AP3B1: variants seen among roughly 807,000 people sequenced by gnomAD.
AP3B1 encodes AP-3 complex subunit beta-1.
AP3B1 carries 61 observed loss-of-function variants against 132.5 expected under a neutral mutation model. The ratio of observed to expected loss-of-function variants is 0.46; its 90% confidence interval spans 0.37 to 0.57. AP3B1 has a LOEUF of 0.57. Among genes scored for constraint, AP3B1 ranks in the 20% least tolerant of loss-of-function variants. AP3B1 has a pLI of 0.00. For synonymous variants in AP3B1, 388 were observed against 438.3 expected, an observed-to-expected ratio of 0.89 and a Z score of 1.43; for missense variants, 1,120 against 1,289.4, an observed-to-expected ratio of 0.87 and a Z score of 2.01.
At chr5:78,080,477 T>C (rs1749947090) in intron 22 of AP3B1, among the ~76,000 whole-genome samples, 2 of 151,882 alleles carry the variant, frequency 1.3e-5, no homozygotes, top group East Asian at 3.9e-4. Flanking sequence ...TTTTTCTTTT[T>C]TTTTTGCTCT....
chr5:78,232,379 T>C (rs1027293722), intron 3 of AP3B1, among the ~76,000 whole-genome samples: 5 of 152,112 alleles, frequency 3.3e-5, no homozygotes, highest in Non-Finnish European at 5.9e-5. Flanking sequence ...AGTTAGCCAG[T>C]CAGGAACAAC....
chr5:78,006,060 GAT>G (rs1746377934), intron 26 of AP3B1, among the ~76,000 whole-genome samples: 2 of 152,130 alleles, frequency 1.3e-5, no homozygotes, highest in Non-Finnish European at 2.9e-5. Flanking sequence ...AGAAATTTTT[GAT>G]CACTATAATG....
rs190747095 is a variant in AP3B1 at position 78,024,407 on chromosome 5, G to C, written c.2895-3618C>G. Among the ~76,000 whole-genome samples the C allele has an allele frequency of 2.1e-3, 324 of 151,908 alleles. 2 individuals carry two copies. Among genetic ancestry groups the C allele is most frequent in the Middle Eastern group, 6.8e-3 (2 of 294 alleles). On this transcript the variant is annotated intron_variant, in intron 24 of 26. Transcript: ENST00000255194. ...TCCTTTTAAGGTTCTGTTTTTCTGG[G>C]AGACAGGGTCTCAGCTCTGTCACCC...
intron 21 of AP3B1, among the ~76,000 whole-genome samples, chr5:78,097,001 G>A (rs1750846304): frequency 3.0e-5 from 4 of 131,422 alleles, no homozygotes; most frequent in African/African-American, 9.9e-5. Context: ...CGCCCTGTCC[G>A]GGAGGGAGGT....
At chr5:78,137,463 C>G (rs1259900718) in intron 15 of AP3B1, among the ~76,000 whole-genome samples, 3 of 152,130 alleles carry the variant, frequency 2.0e-5, no homozygotes, top group African/African-American at 7.2e-5. Flanking sequence ...CCTGAACTCT[C>G]TTCTCTACTT....
At chr5:78,015,202 T>C (rs1746805342) in intron 26 of AP3B1, among the ~76,000 whole-genome samples, 1 of 152,120 alleles carries the variant, frequency 6.6e-6, no homozygotes. Flanking sequence ...GGAAAGACCA[T>C]GCCAGTATGA....
intron 9 of AP3B1, 66 bp from the exon 10 acceptor site, chr5:78,175,904 C>T (rs1436879605): frequency 1.4e-5 from 16 of 1,168,064 alleles, no homozygotes; most frequent in South Asian, 2.5e-5. Flanking sequence ...GTAAGCACTA[C>T]AATAATGACA....
intron 22 of AP3B1, among the ~76,000 whole-genome samples, chr5:78,052,633 C>G (rs1464740404): frequency 6.6e-6 from 1 of 152,096 alleles, no homozygotes; most frequent in Non-Finnish European, 1.5e-5. Flanking sequence ...CTACCTGGCC[C>G]TTTACAAAAA....
At chr5:78,228,346 G>A in intron 3 of AP3B1, 107 bp from the exon 4 acceptor site, 1 of 702,480 alleles carries the variant, frequency 1.4e-6, no homozygotes, top group South Asian at 1.7e-5. Flanking sequence ...AACTGAATCT[G>A]GTCACATGTT....
At chr5:78,159,261 C>T (rs1035466615) in intron 13 of AP3B1, among the ~76,000 whole-genome samples, 4 of 152,076 alleles carry the variant, frequency 2.6e-5, no homozygotes, top group African/African-American at 4.8e-5. Context: ...TACAAGCAGA[C>T]GCAGGATTGG....
At chr5:78,040,485 A>G (rs932594975) in intron 22 of AP3B1, among the ~76,000 whole-genome samples, 1 of 152,180 alleles carries the variant, frequency 6.6e-6, no homozygotes, top group Non-Finnish European at 1.5e-5. Flanking sequence ...TTTTCTTGGT[A>G]AATCACCTTT....
intron 17 of AP3B1, among the ~76,000 whole-genome samples, chr5:78,120,139 C>T (rs1180735367): frequency 1.3e-5 from 2 of 152,120 alleles, no homozygotes; most frequent in Non-Finnish European, 2.9e-5. Context: ...CAAGCAAATG[C>T]TGAGAGAGTT....
intron 1 of AP3B1, among the ~76,000 whole-genome samples, chr5:78,275,158 G>T (rs1040163507): frequency 1.3e-5 from 2 of 152,038 alleles, no homozygotes; most frequent in Non-Finnish European, 2.9e-5. Flanking sequence ...ACCTTAAAAG[G>T]AATAACATTT....
intron 14 of AP3B1, among the ~76,000 whole-genome samples, chr5:78,146,186 T>C (rs139964819): frequency 2.3e-4 from 35 of 152,314 alleles, no homozygotes; most frequent in African/African-American, 8.2e-4. Context: ...CCATTGTTCT[T>C]GTATAAACAG....
chr5:78,078,483 G>A (rs1415365106), intron 22 of AP3B1, among the ~76,000 whole-genome samples: 4 of 152,216 alleles, frequency 2.6e-5, no homozygotes, highest in Admixed American at 6.5e-5. Flanking sequence ...CATACATTTT[G>A]TACACTAGCT....
intron 17 of AP3B1, among the ~76,000 whole-genome samples, chr5:78,118,761 A>G (rs1406547586): frequency 6.6e-6 from 1 of 152,192 alleles, no homozygotes; most frequent in Non-Finnish European, 1.5e-5. Context: ...GGCACAGACA[A>G]ACAAAAAGAC....
chr5:78,274,042 A>G (rs2112571822), intron 1 of AP3B1, among the ~76,000 whole-genome samples: 1 of 151,648 alleles, frequency 6.6e-6, no homozygotes, highest in Admixed American at 6.6e-5. Context: ...GAAAAAAAAA[A>G]AAAAAAAAAC....
intron 22 of AP3B1, among the ~76,000 whole-genome samples, chr5:78,062,103 A>G (rs899781894): frequency 2.6e-5 from 4 of 152,220 alleles, no homozygotes; most frequent in Non-Finnish European, 5.9e-5. Context: ...TTTGAGAACA[A>G]AAGTTTAGCT....
At chr5:78,089,837 CATAAGA>C (rs1241178877) in intron 21 of AP3B1, among the ~76,000 whole-genome samples, 7 of 152,124 alleles carry the variant, frequency 4.6e-5, no homozygotes, top group African/African-American at 1.2e-4. Flanking sequence ...TCCAGACTAT[CATAAGA>C]ATAACAACCG....
Sources: gnomAD v4.1 joint callset for allele counts (sites outside exome capture counted in the v4.1 genomes callset) on GRCh38, gnomAD v4.1.1 for gene constraint, MANE v1.5 for transcripts, NCBI Gene and HGNC (gene_info 2026-07-23, HGNC 2026-07-21) for gene names.